The following SH3PXD2A variants were observed in gnomAD, a reference collection of about 807,000 sequenced individuals.
SH3PXD2A encodes SH3 and PX domains 2A.
Under a neutral mutation model 115.2 loss-of-function variants are expected in SH3PXD2A, and 32 were observed. That is an observed-to-expected ratio of 0.28 (90% CI 0.21 to 0.37). The LOEUF is 0.37. SH3PXD2A is among the 10% of genes least tolerant of loss of function. The pLI is 1.00. For synonymous variants in SH3PXD2A, 610 were observed against 629.1 expected (o/e 0.97, Z 0.45); for missense variants, 1,328 against 1,498.7 (o/e 0.89, Z 1.88).
At chr10:103,739,941 C>G (rs1238058372) in intron 3 of SH3PXD2A, among the ~76,000 whole-genome samples, 1 of 152,182 alleles carries the variant, frequency 6.6e-6, no homozygotes, top group African/African-American at 2.4e-5. Context: ...CACAGGCTGG[C>G]TGTGTGACCC....
intron 6 of SH3PXD2A, among the ~76,000 whole-genome samples, chr10:103,690,460 C>T (rs1407806345): frequency 6.6e-6 from 1 of 151,922 alleles, no homozygotes; most frequent in Non-Finnish European, 1.5e-5. Flanking sequence ...TGGGGGAGGC[C>T]GGCAGAGACT....
chr10:103,852,396 G>C (rs1018071535), intron 1 of SH3PXD2A, among the ~76,000 whole-genome samples: 1 of 152,266 alleles, frequency 6.6e-6, no homozygotes, highest in Non-Finnish European at 1.5e-5. Flanking sequence ...TCTGGAGCCA[G>C]CAGAGCTCCT....
intron 13 of SH3PXD2A, among the ~76,000 whole-genome samples, chr10:103,610,415 G>T (rs537491581): frequency 6.6e-6 from 1 of 152,366 alleles, no homozygotes; most frequent in East Asian, 1.9e-4. Flanking sequence ...CCGTGGCTAG[G>T]AGAGATGGTT....
intron 8 of SH3PXD2A, among the ~76,000 whole-genome samples, chr10:103,658,860 AGG>A (rs2037249836): frequency 6.6e-6 from 1 of 152,224 alleles, no homozygotes; most frequent in Admixed American, 6.5e-5. Context: ...ACCAGCCACA[AGG>A]TCATCTCCAT....
intron 7 of SH3PXD2A, chr10:103,661,853 T>C (rs1046769543): frequency 1.0e-6 from 1 of 985,048 alleles, no homozygotes; most frequent in African/African-American, 1.7e-5. Context: ...CTAGACTGTT[T>C]ACTTGAAACC....
intron 5 of SH3PXD2A, among the ~76,000 whole-genome samples, chr10:103,719,712 T>C (rs969047343): frequency 2.8e-5 from 4 of 143,510 alleles, no homozygotes; most frequent in African/African-American, 1.1e-4. Flanking sequence ...TTTCTTTTTT[T>C]TTTTCTTTCT....
intron 6 of SH3PXD2A, among the ~76,000 whole-genome samples, chr10:103,692,028 C>T (rs2037758506): frequency 6.6e-6 from 1 of 152,200 alleles, no homozygotes; most frequent in Admixed American, 6.5e-5. Flanking sequence ...GGCACAGGAG[C>T]CATTCACAGG....
intron 6 of SH3PXD2A, among the ~76,000 whole-genome samples, chr10:103,677,395 T>A (rs567937653): frequency 5.9e-5 from 9 of 152,110 alleles, no homozygotes; most frequent in African/African-American, 1.9e-4. Context: ...CAGGGCTGAG[T>A]CCTGGAGGCC....
Position 103,855,460 on chromosome 10 carries a change from C to T in SH3PXD2A, c.-194G>A, listed in dbSNP as rs1842932284. Reference sequence around the variant, plus strand: ...GAGGGTCCCGGAGGGCGCGCGGGCTCCGTGCGCCCCGGGGGACTCCCCGCC... The same window carrying T: ...GAGGGTCCCGGAGGGCGCGCGGGCTTCGTGCGCCCCGGGGGACTCCCCGCC... On this transcript the variant is annotated 5_prime_UTR_variant, in exon 1 of 15. Coordinates refer to ENST00000369774, the MANE Select transcript of SH3PXD2A (RefSeq NM_001394015.1). 1 of 197,082 alleles carries T rather than the reference C, an allele frequency of 5.1e-6. No homozygotes were observed. The highest frequency in any genetic ancestry group is 2.4e-5 in the African/African-American group (1 of 42,028). The allele number at this position is 197,082 out of a possible 1,614,324, so 12.2% of individuals were successfully genotyped here.
chr10:103,795,932 C>CAGGAAGGAAGGA lies in SH3PXD2A; in HGVS notation c.153+5338_153+5349dup, dbSNP rs938972216. 1.1e-4 allele frequency among the ~76,000 whole-genome samples: 11 copies of CAGGAAGGAAGGA among 98,366 alleles called. No homozygotes were observed. In the South Asian group the frequency reaches 1.3e-3, roughly 11 times the overall value. The allele number at this position is 98,366 out of a possible 152,430, so 64.5% of individuals were successfully genotyped here. A position where few individuals can be genotyped will look rare whatever the true frequency, so the allele number is the denominator to read the frequency against. Reference sequence around the variant, plus strand: ...GAAGGAAGGAAGGAAGGAAGGAAGGCAGGAAGGAAGGAAGGAAGGAAGGAA... The same window carrying CAGGAAGGAAGGA: ...GAAGGAAGGAAGGAAGGAAGGAAGGCAGGAAGGAAGGAAGGAAGGAAGGAAGGAAGGAAGGAA... On this transcript the variant is annotated intron_variant, in intron 2 of 14. Coordinates refer to ENST00000369774, the MANE Select transcript of SH3PXD2A (RefSeq NM_001394015.1).
intron 3 of SH3PXD2A, among the ~76,000 whole-genome samples, chr10:103,759,758 T>C (rs2038680432): frequency 1.3e-5 from 2 of 152,140 alleles, no homozygotes; most frequent in African/African-American, 4.8e-5. Flanking sequence ...CAACAGGAGA[T>C]GGATTTTCCA....
chr10:103,607,014 G>A (rs1395925753), intron 13 of SH3PXD2A, among the ~76,000 whole-genome samples: 2 of 149,994 alleles, frequency 1.3e-5, no homozygotes, highest in Non-Finnish European at 3.0e-5. Context: ...AGTGAGGAGC[G>A]TCTCTGCCCG....
intron 1 of SH3PXD2A, among the ~76,000 whole-genome samples, chr10:103,830,262 A>G (rs533916686): frequency 5.9e-5 from 9 of 152,256 alleles, no homozygotes; most frequent in Non-Finnish European, 1.3e-4. Context: ...AAGAACTTTC[A>G]TTCCAGACAA....
intron 5 of SH3PXD2A, 29 bp downstream of exon 5, chr10:103,724,241 A>G (rs1339986399): frequency 3.7e-6 from 5 of 1,340,096 alleles, no homozygotes; most frequent in Middle Eastern, 1.8e-4. Flanking sequence ...CCTCCCCAGC[A>G]CACAGGAGAG....
intron 2 of SH3PXD2A, among the ~76,000 whole-genome samples, chr10:103,774,238 C>T (rs1251115848): frequency 2.0e-5 from 3 of 152,140 alleles, no homozygotes; most frequent in East Asian, 1.9e-4. Context: ...TGGGACTGTG[C>T]GTGTGTTTCT....
intron 9 of SH3PXD2A, among the ~76,000 whole-genome samples, chr10:103,625,126 A>G (rs552562800): frequency 6.6e-6 from 1 of 152,246 alleles, no homozygotes; most frequent in East Asian, 1.9e-4. Flanking sequence ...ATCCTGCCCA[A>G]CCCACTACTA....
chr10:103,836,533 C>T (rs2039542822), intron 1 of SH3PXD2A, among the ~76,000 whole-genome samples: 1 of 151,282 alleles, frequency 6.6e-6, no homozygotes. Flanking sequence ...ACACACATTC[C>T]ACCTTCAAAC....
At position 103,602,663 on chromosome 10, in the gene SH3PXD2A, T is replaced by C; in HGVS notation, c.2555A>G (p.Gln852Arg). Residue 852 changes from glutamine to arginine, a missense_variant, in exon 15 of 15, where the codon CAG becomes CGG. By Grantham distance (43) the Gln-to-Arg change is conservative. Around this residue, in one of 5 missense-constraint regions of SH3PXD2A, gnomAD observed 574 missense variants for 565.7 expected, o/e 1.01. Transcript: ENST00000369774. ...GCTGATCTCCGAGTCCTGGACCTTC[T>C]GGTAGGCGCTGCATGTCATGTACGA... ...ATSYMTCSAYQKVQDSEISFP... is the reference protein window; with the variant it reads ...ATSYMTCSAYRKVQDSEISFP... The C allele has an allele frequency of 6.2e-7, 1 of 1,614,158 alleles. No individual in the cohort carries two copies.
chr10:103,735,644 C>T (rs1369104063), intron 4 of SH3PXD2A, 88 bp downstream of exon 4: 2 of 1,050,484 alleles, frequency 1.9e-6, no homozygotes, highest in Non-Finnish European at 2.9e-6. Context: ...AGCAACCTTT[C>T]CTCACAGATG....
Sources: allele counts gnomAD v4.1 joint callset (sites outside exome capture counted in the v4.1 genomes callset), GRCh38; gene constraint gnomAD v4.1.1; regional missense constraint gnomAD v4.1.1; transcripts MANE v1.5; gene names NCBI Gene and HGNC (gene_info 2026-07-23, HGNC 2026-07-21).